The following EPHB1 variants were observed in gnomAD, a reference collection of about 807,000 sequenced individuals.
The protein encoded by EPHB1 is ephrin type-B receptor 1.
Under a neutral mutation model 94.4 loss-of-function variants are expected in EPHB1, and 30 were observed. That is an observed-to-expected ratio of 0.32 (90% CI 0.24 to 0.43). EPHB1 has a LOEUF of 0.43. Among genes scored for constraint, EPHB1 ranks in the 20% least tolerant of loss-of-function variants. The probability of loss-of-function intolerance (pLI) is 1.00; values close to 1 mark genes in which losing one functional copy is unlikely to be tolerated. For synonymous variants in EPHB1, 522 were observed against 489.1 expected (o/e 1.07, Z -0.89); for missense variants, 1,055 against 1,308.3 (o/e 0.81, Z 2.99).
chr3:134,969,736 C>T (rs929287125), intron 3 of EPHB1, among the ~76,000 whole-genome samples: 4 of 152,118 alleles, frequency 2.6e-5, no homozygotes, highest in Non-Finnish European at 4.4e-5. Context: ...TAATTGGTGA[C>T]GTTTTAAGGT....
At chr3:135,121,766 G>A (rs932313777) in intron 4 of EPHB1, among the ~76,000 whole-genome samples, 1 of 151,990 alleles carries the variant, frequency 6.6e-6, no homozygotes, top group African/African-American at 2.4e-5. Context: ...TGTTTTTCCT[G>A]CTTCACAGGG....
At chr3:134,837,506 C>T (rs925617986) in intron 1 of EPHB1, among the ~76,000 whole-genome samples, 1 of 152,134 alleles carries the variant, frequency 6.6e-6, no homozygotes, top group Non-Finnish European at 1.5e-5. Context: ...TTGCAAAATG[C>T]CCTTGTCTGT....
intron 11 of EPHB1, among the ~76,000 whole-genome samples, chr3:135,193,327 C>T (rs1293612997): frequency 1.3e-5 from 2 of 152,224 alleles, no homozygotes; most frequent in Non-Finnish European, 2.9e-5. Flanking sequence ...TCACAAGCAT[C>T]CACGGGTATT....
At chr3:135,202,416 G>T (rs1231909600) in intron 12 of EPHB1, among the ~76,000 whole-genome samples, 1 of 150,570 alleles carries the variant, frequency 6.6e-6, no homozygotes, top group African/African-American at 2.4e-5. Context: ...TCCCTCAGCG[G>T]CCCCCATAGG....
At chr3:135,003,527 T>G (rs1031237591) in intron 3 of EPHB1, among the ~76,000 whole-genome samples, 15 of 150,218 alleles carry the variant, frequency 1.0e-4, no homozygotes, top group Non-Finnish European at 2.1e-4. Context: ...TGACTTTCTG[T>G]CTCGTTGATC....
chr3:134,818,635 T>A (rs1284639755), intron 1 of EPHB1, among the ~76,000 whole-genome samples: 1 of 152,262 alleles, frequency 6.6e-6, no homozygotes. Flanking sequence ...ATTCCTGAGT[T>A]ACTTCACTTA....
chr3:134,888,036 G>A (rs6805387), intron 1 of EPHB1, among the ~76,000 whole-genome samples: 5,952 of 152,228 alleles, frequency 0.039, 366 homozygotes, highest in African/African-American at 0.14. Flanking sequence ...AGGAGCGAGG[G>A]GTCAGTGTGT....
At chr3:134,815,671 A>G (rs1283529651) in intron 1 of EPHB1, among the ~76,000 whole-genome samples, 1 of 152,198 alleles carries the variant, frequency 6.6e-6, no homozygotes, top group Non-Finnish European at 1.5e-5. Context: ...GGCTGAACCA[A>G]TTTATATTCC....
At chr3:134,846,444 A>G (rs1004705272) in intron 1 of EPHB1, among the ~76,000 whole-genome samples, 2 of 152,132 alleles carry the variant, frequency 1.3e-5, no homozygotes, top group African/African-American at 4.8e-5. Flanking sequence ...TATTCCCTCC[A>G]CGCACATCAG....
chr3:134,985,613 C>A (rs1934569472), intron 3 of EPHB1, among the ~76,000 whole-genome samples: 1 of 152,154 alleles, frequency 6.6e-6, no homozygotes, highest in Non-Finnish European at 1.5e-5. Flanking sequence ...CCTCAGTTTC[C>A]TCTCTCTAAA....
chr3:134,828,920 G>A (rs1468972101), intron 1 of EPHB1, among the ~76,000 whole-genome samples: 1 of 152,196 alleles, frequency 6.6e-6, no homozygotes, highest in Non-Finnish European at 1.5e-5. Context: ...TGATAAAGGA[G>A]GAGGTCTGAG....
At chr3:135,098,504 AC>A (rs1402621450) in intron 3 of EPHB1, among the ~76,000 whole-genome samples, 3 of 152,138 alleles carry the variant, frequency 2.0e-5, no homozygotes, top group African/African-American at 7.2e-5. Context: ...TTATCATCAG[AC>A]TTTTAAGTTC....
At chr3:134,821,568 T>A (rs6439525) in intron 1 of EPHB1, among the ~76,000 whole-genome samples, 141,582 of 152,196 alleles carry the variant, frequency 0.93, 66,010 homozygotes, top group East Asian at 0.98. Flanking sequence ...GGATAAACCC[T>A]TATGGACAAG....
intron 4 of EPHB1, among the ~76,000 whole-genome samples, chr3:135,114,675 A>G (rs955601672): frequency 6.6e-6 from 1 of 151,006 alleles, no homozygotes; most frequent in Non-Finnish European, 1.5e-5. Flanking sequence ...GTGAGCCAAG[A>G]TCGTGTCACT....
intron 1 of EPHB1, among the ~76,000 whole-genome samples, chr3:134,800,214 C>T (rs992279020): frequency 6.6e-6 from 1 of 151,982 alleles, no homozygotes; most frequent in Non-Finnish European, 1.5e-5. Context: ...GTCATGTTGC[C>T]CACTTATTCC....
chr3:135,009,238 C>T (rs1242785642), intron 3 of EPHB1, among the ~76,000 whole-genome samples: 4 of 152,148 alleles, frequency 2.6e-5, no homozygotes, highest in Admixed American at 1.3e-4. Flanking sequence ...CACCTGACAG[C>T]GGCTGAAGTC....
At chr3:134,940,846 C>T (rs1285658178) in intron 2 of EPHB1, among the ~76,000 whole-genome samples, 3 of 152,218 alleles carry the variant, frequency 2.0e-5, no homozygotes, top group Admixed American at 6.5e-5. Context: ...TCATTTACTG[C>T]TGTTTCACCA....
chr3:135,128,786 A>G (rs949292661), intron 4 of EPHB1, among the ~76,000 whole-genome samples: 1 of 152,200 alleles, frequency 6.6e-6, no homozygotes, highest in Non-Finnish European at 1.5e-5. Context: ...TGCCGGGAGT[A>G]TTAGTTACGG....
intron 6 of EPHB1, 110 bp downstream of exon 6, chr3:135,154,386 C>A: frequency 6.7e-7 from 1 of 1,488,698 alleles, no homozygotes; most frequent in Non-Finnish European, 9.1e-7. Context: ...GGGGAGGATT[C>A]TGGTGACAGA....
Sources: gnomAD v4.1 joint callset for allele counts (sites outside exome capture counted in the v4.1 genomes callset) on GRCh38, gnomAD v4.1.1 for gene constraint, MANE v1.5 for transcripts, NCBI Gene and HGNC (gene_info 2026-07-23, HGNC 2026-07-21) for gene names.